WDPCP: variants seen among roughly 807,000 people sequenced by gnomAD.
WDPCP encodes the protein WD repeat containing planar cell polarity effector.
Under a neutral mutation model 93.1 loss-of-function variants are expected in WDPCP, and 71 were observed. The ratio of observed to expected loss-of-function variants is 0.76; its 90% CI spans 0.63 to 0.93. The LOEUF (loss-of-function observed/expected upper bound fraction) is 0.93, where lower values mean the gene tolerates loss of function less well. Ranked by LOEUF, WDPCP falls within the 40% of genes least tolerant of loss-of-function variation. WDPCP has a pLI of 0.00. For synonymous variants in WDPCP, 315 were observed against 315.0 expected (o/e 1.00, Z 0.00); for missense variants, 844 against 887.4 (o/e 0.95, Z 0.62).
At chr2:63,770,311 G>T (rs1218392657) in intron 2 of WDPCP, among the ~76,000 whole-genome samples, 2 of 151,828 alleles carry the variant, frequency 1.3e-5, no homozygotes, top group Non-Finnish European at 2.9e-5. Flanking sequence ...TGCAATTTAA[G>T]TTGTACTCAG....
intron 2 of WDPCP, among the ~76,000 whole-genome samples, chr2:63,733,769 A>G (rs1669598731): frequency 1.3e-5 from 2 of 152,180 alleles, no homozygotes; most frequent in African/African-American, 4.8e-5. Context: ...TAATTCACCT[A>G]CCATAATATT....
chr2:63,282,598 T>C (rs1006912825), intron 13 of WDPCP, among the ~76,000 whole-genome samples: 1 of 152,202 alleles, frequency 6.6e-6, no homozygotes, highest in African/African-American at 2.4e-5. Context: ...AACTGATTTA[T>C]AAAACATAGA....
intron 17 of WDPCP, among the ~76,000 whole-genome samples, chr2:63,135,434 C>T (rs555658898): frequency 2.3e-4 from 35 of 152,208 alleles, no homozygotes; most frequent in Admixed American, 1.2e-3. Context: ...CGGATTCAAG[C>T]GATTCTCCTG....
At chr2:63,510,905 G>A (rs1398483223) in intron 1 of WDPCP, among the ~76,000 whole-genome samples, 1 of 152,156 alleles carries the variant, frequency 6.6e-6, no homozygotes, top group African/African-American at 2.4e-5. Flanking sequence ...GAACCTGAGA[G>A]GTGGAGGTTA....
intron 2 of WDPCP, among the ~76,000 whole-genome samples, chr2:63,730,972 T>G (rs1274557570): frequency 6.6e-6 from 1 of 151,944 alleles, no homozygotes. Context: ...AAGCACTATC[T>G]TAAAAGACAA....
chr2:63,742,770 T>G (rs1669743176), intron 2 of WDPCP, among the ~76,000 whole-genome samples: 2 of 150,488 alleles, frequency 1.3e-5, no homozygotes, highest in South Asian at 4.3e-4. Flanking sequence ...CTAGAACATC[T>G]GGGTAACGTG....
At chr2:63,726,541 G>C (rs188856901) in intron 2 of WDPCP, among the ~76,000 whole-genome samples, 1 of 151,850 alleles carries the variant, frequency 6.6e-6, no homozygotes, top group African/African-American at 2.4e-5. Context: ...TTTTCATTCC[G>C]TATGATTTTA....
chr2:63,180,950 T>G (rs1287878319), intron 14 of WDPCP, among the ~76,000 whole-genome samples: 1 of 152,212 alleles, frequency 6.6e-6, no homozygotes, highest in Non-Finnish European at 1.5e-5. Context: ...TTTTTTCATA[T>G]GCAGGTTAGA....
intron 14 of WDPCP, among the ~76,000 whole-genome samples, chr2:63,258,565 T>C (rs1020216966): frequency 6.6e-6 from 1 of 152,170 alleles, no homozygotes; most frequent in African/African-American, 2.4e-5. Context: ...TTAAAACTTA[T>C]TTGTTTCAGA....
At chr2:63,558,529 AAAAAAAAAAAAAAAAAGAAAAAG>A (rs1208768207) in intron 1 of WDPCP, among the ~76,000 whole-genome samples, 1 of 8,860 alleles carries the variant, frequency 1.1e-4, no homozygotes, top group Non-Finnish European at 1.7e-4. Context: ...CTCTGTCTCA[AAAAAAAAAAAAAAAAAGAAAAAG>A]AAAAAAGAAA....
At chr2:63,144,357 A>T (rs934842170) in intron 17 of WDPCP, among the ~76,000 whole-genome samples, 1 of 152,070 alleles carries the variant, frequency 6.6e-6, no homozygotes, top group African/African-American at 2.4e-5. Flanking sequence ...TCAATGGCTC[A>T]ATGCAACCTC....
intron 9 of WDPCP, among the ~76,000 whole-genome samples, chr2:63,414,966 C>T (rs1695308657): frequency 6.6e-6 from 1 of 152,112 alleles, no homozygotes; most frequent in Non-Finnish European, 1.5e-5. Flanking sequence ...CAGTCAAGGC[C>T]AGAGGATCAC....
intron 14 of WDPCP, among the ~76,000 whole-genome samples, chr2:63,235,863 T>C (rs1285687760): frequency 6.6e-6 from 1 of 152,090 alleles, no homozygotes; most frequent in Non-Finnish European, 1.5e-5. Flanking sequence ...ATAAGAGCCA[T>C]CTATGACAAA....
chr2:63,127,157 C>G (rs1669967993), intron 17 of WDPCP, among the ~76,000 whole-genome samples: 2 of 137,498 alleles, frequency 1.5e-5, no homozygotes, highest in African/African-American at 5.5e-5. Flanking sequence ...GAGTCTCGCT[C>G]TGTCACTAGA....
chr2:63,461,671 T>G lies in WDPCP; in HGVS notation c.385-21800A>C, dbSNP rs563590247. On this transcript the variant is annotated intron_variant, in intron 6 of 17. Transcript: ENST00000272321. ...GCAGGTAGATTGGGACCAGTTTTGTTGATGTTATAATTTTTAAAATTCAAA... is the reference window on the plus strand; with the variant it reads ...GCAGGTAGATTGGGACCAGTTTTGTGGATGTTATAATTTTTAAAATTCAAA... 9.2e-5 allele frequency among the ~76,000 whole-genome samples: 14 copies of G among 152,304 alleles called. No individual in the cohort carries two copies. In the East Asian group the frequency reaches 1.4e-3, roughly 15 times the overall value.
At chr2:63,530,631 C>G (rs1703756671) in intron 1 of WDPCP, among the ~76,000 whole-genome samples, 2 of 152,180 alleles carry the variant, frequency 1.3e-5, no homozygotes, top group South Asian at 4.1e-4. Flanking sequence ...GAGTAATAAA[C>G]TGTCCTTCAT....
At chr2:63,313,887 T>TATGTGTG (rs1268057820) in intron 12 of WDPCP, among the ~76,000 whole-genome samples, 1 of 57,652 alleles carries the variant, frequency 1.7e-5, no homozygotes, top group Admixed American at 2.0e-4. Context: ...TATATATATA[T>TATGTGTG]TTTTTTTTTT....
intron 12 of WDPCP, among the ~76,000 whole-genome samples, chr2:63,328,715 C>T (rs1456924279): frequency 1.3e-5 from 2 of 152,146 alleles, no homozygotes; most frequent in African/African-American, 4.8e-5. Context: ...AAAATTTCCT[C>T]TTATTCTGTT....
chr2:63,836,801 A>G, the WDPCP span, among the ~76,000 whole-genome samples: 1 of 152,226 alleles, frequency 6.6e-6, no homozygotes, highest in African/African-American at 2.4e-5. Flanking sequence ...AGAAAACAAA[A>G]TAGTAAGGAC....
Sources: allele counts gnomAD v4.1 joint callset (sites outside exome capture counted in the v4.1 genomes callset), GRCh38; gene constraint gnomAD v4.1.1; transcripts MANE v1.5; gene names NCBI Gene and HGNC (gene_info 2026-07-23, HGNC 2026-07-21).